Variants in QTMAN observed in about 807,000 individuals in gnomAD.
QTMAN encodes the protein queuosine-tRNA mannosyltransferase, also known as tRNA-queuosine alpha-mannosyltransferase.
chr2:144,167,601 C>G, the QTMAN span, among the ~76,000 whole-genome samples: 9 of 152,000 alleles, frequency 5.9e-5, no homozygotes, highest in African/African-American at 1.9e-4. Context: ...TTATGAGTAT[C>G]TGGCCATTTC....
the QTMAN span, among the ~76,000 whole-genome samples, chr2:144,293,263 T>C: frequency 1.3e-5 from 2 of 152,096 alleles, no homozygotes; most frequent in Non-Finnish European, 2.9e-5. Context: ...AGCAAGGCCA[T>C]AGAGAAAGAA....
chr2:144,099,912 G>A, the QTMAN span, among the ~76,000 whole-genome samples: 3 of 152,184 alleles, frequency 2.0e-5, no homozygotes, highest in Non-Finnish European at 4.4e-5. Context: ...CTAGAACATG[G>A]TATACAAGTG....
At chr2:144,044,242 A>G in the QTMAN span, among the ~76,000 whole-genome samples, 1 of 152,226 alleles carries the variant, frequency 6.6e-6, no homozygotes, top group African/African-American at 2.4e-5. Flanking sequence ...TGCTTAAAAA[A>G]AATACATACA....
chr2:144,152,665 G>A, the QTMAN span, among the ~76,000 whole-genome samples: 1 of 152,094 alleles, frequency 6.6e-6, no homozygotes, highest in African/African-American at 2.4e-5. Flanking sequence ...CAAGGTCCAA[G>A]GTAATATGAA....
chr2:144,193,679 C>T, the QTMAN span, among the ~76,000 whole-genome samples: 2 of 151,864 alleles, frequency 1.3e-5, no homozygotes, highest in Admixed American at 6.6e-5. Flanking sequence ...CACCACAACA[C>T]CTGGCTAATA....
chr2:144,251,190 A>T, the QTMAN span, among the ~76,000 whole-genome samples: 2 of 152,154 alleles, frequency 1.3e-5, no homozygotes, highest in African/African-American at 4.8e-5. Flanking sequence ...TATTTTTTAA[A>T]AAACATCACA....
the QTMAN span, among the ~76,000 whole-genome samples, chr2:144,321,192 C>T: frequency 2.0e-4 from 30 of 152,294 alleles, no homozygotes; most frequent in Non-Finnish European, 3.2e-4. Flanking sequence ...CATCTGAAAG[C>T]GTTACCTATC....
chr2:144,184,845 TA>T, the QTMAN span, among the ~76,000 whole-genome samples: 13 of 152,086 alleles, frequency 8.5e-5, no homozygotes, highest in Admixed American at 6.6e-5. Context: ...GAAGCTTAAA[TA>T]AGTAAATTTT....
the QTMAN span, among the ~76,000 whole-genome samples, chr2:144,142,386 C>T: frequency 6.6e-6 from 1 of 151,868 alleles, no homozygotes; most frequent in African/African-American, 2.4e-5. Flanking sequence ...CTACGTACAG[C>T]AATTCCTTTT....
At chr2:144,207,055 T>C in the QTMAN span, among the ~76,000 whole-genome samples, 1 of 152,188 alleles carries the variant, frequency 6.6e-6, no homozygotes, top group African/African-American at 2.4e-5. Context: ...AACACAGCAA[T>C]AGTCTTATCA....
the QTMAN span, among the ~76,000 whole-genome samples, chr2:143,968,876 AC>A: frequency 6.6e-6 from 1 of 152,188 alleles, no homozygotes; most frequent in Admixed American, 6.5e-5. Context: ...TGGGATTACT[AC>A]CAGAGGGTCT....
At chr2:144,274,620 G>C in the QTMAN span, among the ~76,000 whole-genome samples, 1 of 152,244 alleles carries the variant, frequency 6.6e-6, no homozygotes, top group African/African-American at 2.4e-5. Flanking sequence ...AATGCATAGA[G>C]GTACTGGGAA....
the QTMAN span, among the ~76,000 whole-genome samples, chr2:144,088,894 C>T: frequency 4.7e-4 from 71 of 151,940 alleles, no homozygotes; most frequent in Non-Finnish European, 9.9e-4. Flanking sequence ...GAAAAACTCT[C>T]CTGGACACTG....
the QTMAN span, among the ~76,000 whole-genome samples, chr2:144,083,851 A>G: frequency 6.6e-6 from 1 of 152,212 alleles, no homozygotes; most frequent in Non-Finnish European, 1.5e-5. Context: ...AGACTGAAGT[A>G]AGAGAGAAGC....
At chr2:144,313,463 T>C in the QTMAN span, among the ~76,000 whole-genome samples, 4 of 152,180 alleles carry the variant, frequency 2.6e-5, no homozygotes, top group Admixed American at 2.6e-4. Flanking sequence ...AGCAACTCAA[T>C]GTGAAATACA....
the QTMAN span, among the ~76,000 whole-genome samples, chr2:144,212,311 A>T: frequency 4.6e-5 from 7 of 152,074 alleles, no homozygotes; most frequent in Non-Finnish European, 1.0e-4. Flanking sequence ...AAAAATACAA[A>T]ATTAGCCAGG....
chr2:144,252,497 C>T, the QTMAN span, among the ~76,000 whole-genome samples: 8 of 152,248 alleles, frequency 5.3e-5, no homozygotes, highest in South Asian at 1.0e-3. Context: ...CCAAATATCA[C>T]GTTAATAGGA....
the QTMAN span, among the ~76,000 whole-genome samples, chr2:144,332,177 C>T: frequency 0.018 from 1 of 56 alleles, no homozygotes; most frequent in African/African-American, 0.1. Flanking sequence ...CAAAATGCCA[C>T]GGCGTGACGC....
At chr2:144,090,638 A>G in the QTMAN span, among the ~76,000 whole-genome samples, 1 of 152,082 alleles carries the variant, frequency 6.6e-6, no homozygotes. Flanking sequence ...TAAATATTGA[A>G]GTATACATCA....
Sources: allele counts gnomAD v4.1 joint callset (sites outside exome capture counted in the v4.1 genomes callset), GRCh38; gene constraint gnomAD v4.1.1; transcripts MANE v1.5; gene names NCBI Gene and HGNC (gene_info 2026-07-23, HGNC 2026-07-21).